ARHGAP19: variants seen among roughly 807,000 people sequenced by gnomAD.
The protein encoded by ARHGAP19 is rho GTPase-activating protein 19.
A neutral mutation model predicts 60.9 loss-of-function variants in ARHGAP19; 48 were observed. That is an observed-to-expected ratio of 0.79 (90% CI 0.62 to 1.00). The LOEUF (loss-of-function observed/expected upper bound fraction) is 1.00. ARHGAP19 is among the 50% of genes least tolerant of loss of function. The pLI is 0.00. For missense variants in ARHGAP19, 562 were observed against 597.2 expected (o/e 0.94, Z 0.61); for synonymous variants, 209 against 215.5 (o/e 0.97, Z 0.27).
At chr10:97,251,455 G>C in intron 6 of ARHGAP19, among the ~76,000 whole-genome samples, 1 of 39,542 alleles carries the variant, frequency 2.5e-5, no homozygotes, top group Non-Finnish European at 5.1e-5. Flanking sequence ...CGGGGAAGGG[G>C]AAGGGAAAAG....
intron 1 of ARHGAP19, among the ~76,000 whole-genome samples, chr10:97,278,261 A>G (rs1244728609): frequency 1.3e-5 from 2 of 152,246 alleles, no homozygotes; most frequent in East Asian, 1.9e-4. Context: ...CCCTGAAGGA[A>G]AAATCAGTTA....
intron 6 of ARHGAP19, among the ~76,000 whole-genome samples, chr10:97,250,693 T>C (rs1295824719): frequency 6.6e-6 from 1 of 151,440 alleles, no homozygotes; most frequent in Non-Finnish European, 1.5e-5. Context: ...AATTTCTAAA[T>C]TGAAAAACTA....
At chr10:97,256,926 C>T (rs1414647399) in intron 5 of ARHGAP19, among the ~76,000 whole-genome samples, 1 of 151,892 alleles carries the variant, frequency 6.6e-6, no homozygotes, top group Non-Finnish European at 1.5e-5. Context: ...TTGAGACCAT[C>T]CTGGCTAACA....
chr10:97,274,249 A>G (rs1039851726), intron 1 of ARHGAP19, among the ~76,000 whole-genome samples: 6 of 152,068 alleles, frequency 3.9e-5, no homozygotes, highest in African/African-American at 4.8e-5. Context: ...GTGGATCACA[A>G]GGTCAGGAGT....
chr10:97,244,142 T>C lies in ARHGAP19; in HGVS notation c.1011A>G (p.Ile337Met). The change falls in exon 8 of 12, where the codon ATA becomes ATG. Residue 337 changes from isoleucine to methionine, a missense_variant. Physicochemically the swap from Ile to Met is conservative, Grantham distance 10 (BLOSUM62 1). Transcript: ENST00000358531. ...TQASKDDLDL[I>M]ASCHTKSFQL... Reference sequence around the variant, plus strand: ...GAAAGGACTTAGTATGACATGAAGCTATGAGGTCAAGGTCATCCTAAGGAA... The same window carrying C: ...GAAAGGACTTAGTATGACATGAAGCCATGAGGTCAAGGTCATCCTAAGGAA... 1 of 1,611,536 alleles carries C rather than the reference T, an allele frequency of 6.2e-7. No homozygotes were observed. The highest frequency in any genetic ancestry group is 8.5e-7 in the Non-Finnish European group (1 of 1,179,186).
At chr10:97,262,664 AAAAC>A (rs1349378142) in intron 4 of ARHGAP19, among the ~76,000 whole-genome samples, 7 of 152,120 alleles carry the variant, frequency 4.6e-5, no homozygotes, top group East Asian at 2.0e-4. Context: ...ACTCAGTCTC[AAAAC>A]AAACAAACAA....
intron 4 of ARHGAP19, among the ~76,000 whole-genome samples, chr10:97,263,071 C>G (rs113823018): frequency 6.6e-6 from 1 of 152,178 alleles, no homozygotes; most frequent in South Asian, 2.1e-4. Flanking sequence ...CAAGGTTGCA[C>G]CACTGCACTC....
intron 1 of ARHGAP19, among the ~76,000 whole-genome samples, chr10:97,289,947 C>T (rs1215970679): frequency 6.6e-6 from 1 of 151,770 alleles, no homozygotes; most frequent in African/African-American, 2.4e-5. Flanking sequence ...TTTTATTTGT[C>T]CTCAGATTTT....
At chr10:97,246,551 A>C (rs914145896) in intron 6 of ARHGAP19, among the ~76,000 whole-genome samples, 9 of 152,280 alleles carry the variant, frequency 5.9e-5, no homozygotes, top group Middle Eastern at 6.8e-3. Context: ...GTGAGAAGAC[A>C]CCAATGTAGT....
At chr10:97,254,759 T>C (rs776840650) in intron 6 of ARHGAP19, among the ~76,000 whole-genome samples, 1 of 152,006 alleles carries the variant, frequency 6.6e-6, no homozygotes, top group Non-Finnish European at 1.5e-5. Flanking sequence ...ACCCACAGAA[T>C]AGGAGAAAAT....
In ARHGAP19 at chr10:97,242,364, G is replaced by A. The variant is rs377670912; in HGVS notation, c.1185+1604C>T. ...TTTTTTTTTTTTGAGACGGGGTTTC[G>A]CTCTTGTTGCCCAGGCTGGAGTGCA... is the stretch of plus-strand genomic sequence containing the variant. On this transcript the variant is annotated intron_variant, in intron 8 of 11. Transcript: ENST00000358531. Among the ~76,000 whole-genome samples, 329 of 83,818 alleles carry A rather than the reference G, an allele frequency of 3.9e-3. 1 individual carries two copies. Among genetic ancestry groups the A allele is most frequent in the African/African-American group, 0.015 (282 of 19,252 alleles). 55.0% of individuals were successfully genotyped at this position (83,818 alleles called of 152,430 possible). A position where few individuals can be genotyped will look rare whatever the true frequency, so the allele number is the denominator to read the frequency against.
intron 1 of ARHGAP19, among the ~76,000 whole-genome samples, chr10:97,291,848 C>A (rs1229785251): frequency 6.6e-6 from 1 of 152,004 alleles, no homozygotes; most frequent in Non-Finnish European, 1.5e-5. Context: ...GCAACACCAC[C>A]TCGAAATTCT....
chr10:97,273,960 CAT>C (rs1842992328), intron 1 of ARHGAP19, among the ~76,000 whole-genome samples: 2 of 142,238 alleles, frequency 1.4e-5, no homozygotes, highest in Non-Finnish European at 1.6e-5. Context: ...AGAAGCCACA[CAT>C]ACACACACAC....
chr10:97,258,924 A>G (rs972682227), intron 5 of ARHGAP19, among the ~76,000 whole-genome samples: 1 of 152,206 alleles, frequency 6.6e-6, no homozygotes, highest in African/African-American at 2.4e-5. Flanking sequence ...AGGAGACTAC[A>G]TATCTACAGG....
intron 2 of ARHGAP19, 33 bp downstream of exon 2, chr10:97,265,827 G>A (rs1250750282): frequency 5.6e-6 from 9 of 1,605,892 alleles, no homozygotes; most frequent in Non-Finnish European, 6.8e-6. Flanking sequence ...GAGCAGCTGA[G>A]GCCTGCCCAC....
chr10:97,285,332 TTTA>T (rs1196353864), intron 1 of ARHGAP19, among the ~76,000 whole-genome samples: 2 of 151,862 alleles, frequency 1.3e-5, no homozygotes, highest in Non-Finnish European at 2.9e-5. Context: ...TTAAAACAAA[TTTA>T]TTTTTATTTA....
At chr10:97,231,979 G>GT (rs142111578) in intron 9 of ARHGAP19, among the ~76,000 whole-genome samples, 14,746 of 107,840 alleles carry the variant, frequency 0.14, 987 homozygotes, top group African/African-American at 0.2. Flanking sequence ...ATTTTCCGTT[G>GT]TTTTTTTTTT....
chr10:97,251,209 G>GGGAAT (rs1842644943), intron 6 of ARHGAP19, among the ~76,000 whole-genome samples: 1 of 9,472 alleles, frequency 1.1e-4, no homozygotes, highest in Non-Finnish European at 2.8e-4. Context: ...GAAAGGGAAG[G>GGGAAT]GGAAGGGGAA....
intron 8 of ARHGAP19, among the ~76,000 whole-genome samples, chr10:97,241,745 C>T (rs879578470): frequency 3.3e-5 from 5 of 150,882 alleles, no homozygotes; most frequent in Non-Finnish European, 7.4e-5. Context: ...TGCAGTGGCT[C>T]AAGCCTATAA....
Sources: gnomAD v4.1 joint callset for allele counts (sites outside exome capture counted in the v4.1 genomes callset) on GRCh38, gnomAD v4.1.1 for gene constraint, MANE v1.5 for transcripts, NCBI Gene and HGNC (gene_info 2026-07-23, HGNC 2026-07-21) for gene names.